KCNH8: variants seen among roughly 807,000 people sequenced by gnomAD.
The protein encoded by KCNH8 is potassium voltage-gated channel subfamily H member 8, also known as voltage-gated delayed rectifier potassium channel KCNH8.
KCNH8 carries 70 observed loss-of-function variants against 103.6 expected under a neutral mutation model. The ratio of observed to expected loss-of-function variants is 0.68; its 90% confidence interval spans 0.56 to 0.82. The LOEUF (loss-of-function observed/expected upper bound fraction) is 0.82, where lower values mean the gene tolerates loss of function less well. Among genes scored for constraint, KCNH8 ranks in the 40% least tolerant of loss-of-function variants. KCNH8 has a pLI of 0.00. For synonymous variants in KCNH8, 498 were observed against 489.4 expected (o/e 1.02, Z -0.23); for missense variants, 1,217 against 1,329.9 (o/e 0.92, Z 1.32).
rs548954550 is a variant in KCNH8, at chr3:19,149,729, C to T, written c.76+934C>T. Reference sequence around the variant, plus strand: ...CTCAGTTGGTTTCACTACGAATATCCTCATCTTCTTTCTAGCTTATCTTGC... The same window carrying T: ...CTCAGTTGGTTTCACTACGAATATCTTCATCTTCTTTCTAGCTTATCTTGC... On this transcript the variant is annotated intron_variant, in intron 1 of 15. Transcript: ENST00000328405. 6.6e-5 allele frequency among the ~76,000 whole-genome samples: 10 copies of T among 152,276 alleles called. No homozygotes were observed. In the South Asian group the frequency reaches 1.2e-3, roughly 19 times the overall value.
At chr3:19,275,104 C>T (rs2064648995) in intron 2 of KCNH8, among the ~76,000 whole-genome samples, 1 of 151,058 alleles carries the variant, frequency 6.6e-6, no homozygotes. Flanking sequence ...TGACAGAATC[C>T]TACTATATAT....
intron 3 of KCNH8, among the ~76,000 whole-genome samples, chr3:19,294,609 A>G (rs1019569115): frequency 2.0e-5 from 3 of 152,262 alleles, no homozygotes; most frequent in Non-Finnish European, 2.9e-5. Context: ...AAGCACATCT[A>G]TATTTTATTT....
intron 1 of KCNH8, among the ~76,000 whole-genome samples, chr3:19,235,229 C>G (rs1008243695): frequency 2.0e-5 from 3 of 152,056 alleles, no homozygotes; most frequent in African/African-American, 7.2e-5. Flanking sequence ...ATATAGTTAT[C>G]AATGTGATAG....
chr3:19,284,073 T>C (rs2064794677), intron 3 of KCNH8, among the ~76,000 whole-genome samples: 1 of 152,148 alleles, frequency 6.6e-6, no homozygotes, highest in South Asian at 2.1e-4. Flanking sequence ...ATGATATTTT[T>C]AAAGCTTCCA....
chr3:19,299,639 TA>T (rs910168133), intron 3 of KCNH8, among the ~76,000 whole-genome samples: 32 of 150,388 alleles, frequency 2.1e-4, no homozygotes, highest in Admixed American at 1.4e-3. Flanking sequence ...TCCCTGAACT[TA>T]AAAAAAAATA....
In KCNH8 at chr3:19,400,403, T is replaced by G. The variant is rs567061996; in HGVS notation, c.1177+5092T>G. 3.3e-5 allele frequency among the ~76,000 whole-genome samples: 5 copies of G among 151,976 alleles called. No homozygotes were observed. The South Asian group carries it at 6.2e-4, about 19-fold the overall frequency. ...CTGTGTTTCCTCAGCTATAATAGAT[T>G]GTGTCTTGGTCAGTAGCTCCCATTT... On this transcript the variant is annotated intron_variant, in intron 7 of 15. Transcript: ENST00000328405.
intron 11 of KCNH8, among the ~76,000 whole-genome samples, chr3:19,489,503 T>C (rs1346818758): frequency 6.6e-6 from 1 of 152,132 alleles, no homozygotes; most frequent in African/African-American, 2.4e-5. Flanking sequence ...TGCCACACTT[T>C]TGAGAGAAGG....
intron 3 of KCNH8, among the ~76,000 whole-genome samples, chr3:19,326,787 A>C (rs2065430231): frequency 6.6e-6 from 1 of 152,148 alleles, no homozygotes; most frequent in Admixed American, 6.6e-5. Context: ...AATTTCCCCA[A>C]AACTTGAAAA....
At chr3:19,355,973 T>C (rs749972148) in intron 5 of KCNH8, among the ~76,000 whole-genome samples, 4 of 151,768 alleles carry the variant, frequency 2.6e-5, no homozygotes, top group Non-Finnish European at 4.4e-5. Context: ...TCTGGAGTAG[T>C]AGTATTAATT....
chr3:19,170,145 C>A (rs1221276528), intron 1 of KCNH8, among the ~76,000 whole-genome samples: 2 of 152,124 alleles, frequency 1.3e-5, no homozygotes, highest in Non-Finnish European at 2.9e-5. Flanking sequence ...GAAATGGCAT[C>A]ATTCACATTT....
chr3:19,306,635 A>G (rs1380766306), intron 3 of KCNH8, among the ~76,000 whole-genome samples: 1 of 152,102 alleles, frequency 6.6e-6, no homozygotes, highest in Non-Finnish European at 1.5e-5. Flanking sequence ...CTAAAGAATG[A>G]TTAAAATCAG....
intron 1 of KCNH8, among the ~76,000 whole-genome samples, chr3:19,236,609 C>T (rs2064069588): frequency 6.6e-6 from 1 of 152,016 alleles, no homozygotes; most frequent in Admixed American, 6.5e-5. Context: ...TTTTATATGC[C>T]CTTTCCTCAG....
At chr3:19,520,747 G>A (rs370876865) in intron 15 of KCNH8, among the ~76,000 whole-genome samples, 4 of 151,896 alleles carry the variant, frequency 2.6e-5, no homozygotes, top group Non-Finnish European at 5.9e-5. Flanking sequence ...AAGGACAACC[G>A]AAAATATGTG....
intron 2 of KCNH8, among the ~76,000 whole-genome samples, chr3:19,280,653 T>C (rs1274506627): frequency 6.6e-6 from 1 of 152,124 alleles, no homozygotes; most frequent in Admixed American, 6.6e-5. Flanking sequence ...ATACTACCTG[T>C]GTTTAAAGTA....
chr3:19,382,179 T>G (rs910499761), intron 5 of KCNH8, among the ~76,000 whole-genome samples: 4 of 152,194 alleles, frequency 2.6e-5, no homozygotes, highest in African/African-American at 9.7e-5. Flanking sequence ...TATCTTTATA[T>G]GATTCTAAAA....
At chr3:19,227,050 C>A (rs1459959597) in intron 1 of KCNH8, among the ~76,000 whole-genome samples, 1 of 152,166 alleles carries the variant, frequency 6.6e-6, no homozygotes, top group Non-Finnish European at 1.5e-5. Context: ...ACTTTCAAAT[C>A]ATTGCAATCA....
chr3:19,418,090 G>A (rs1470111312), intron 7 of KCNH8, among the ~76,000 whole-genome samples: 1 of 152,158 alleles, frequency 6.6e-6, no homozygotes, highest in African/African-American at 2.4e-5. Flanking sequence ...CTCTCTGAAG[G>A]TGGCATTTGA....
chr3:19,479,820 A>G (rs183964330), intron 11 of KCNH8, among the ~76,000 whole-genome samples: 48 of 152,324 alleles, frequency 3.2e-4, no homozygotes, highest in African/African-American at 9.4e-4. Context: ...ACAGTCACCA[A>G]TACTGGTTAT....
chr3:19,473,842 AT>A (rs1160364756), intron 11 of KCNH8, among the ~76,000 whole-genome samples: 1 of 152,134 alleles, frequency 6.6e-6, no homozygotes, highest in Non-Finnish European at 1.5e-5. Flanking sequence ...TTTAATTTAG[AT>A]TTTCATTCAC....
Sources: allele counts gnomAD v4.1 joint callset (sites outside exome capture counted in the v4.1 genomes callset), GRCh38; gene constraint gnomAD v4.1.1; transcripts MANE v1.5; gene names NCBI Gene and HGNC (gene_info 2026-07-23, HGNC 2026-07-21).